The following OVCH1 variants were observed in gnomAD, a reference collection of about 807,000 sequenced individuals.
OVCH1 encodes ovochymase-1.
Under a neutral mutation model 138.4 loss-of-function variants are expected in OVCH1, and 139 were observed. The ratio of observed to expected loss-of-function variants is 1.00; its 90% CI spans 0.87 to 1.16. The LOEUF is 1.16. Among genes scored for constraint, OVCH1 ranks in the 50% most tolerant of loss-of-function variants. OVCH1 has a pLI of 0.00. For missense variants in OVCH1, 1,367 were observed against 1,357.9 expected (o/e 1.01, Z -0.11); for synonymous variants, 453 against 467.8 (o/e 0.97, Z 0.41).
At chr12:29,460,374 C>T (rs1942089530) in intron 19 of OVCH1, among the ~76,000 whole-genome samples, 1 of 152,176 alleles carries the variant, frequency 6.6e-6, no homozygotes, top group Non-Finnish European at 1.5e-5. Context: ...AGAATGAACA[C>T]ATTAATTCAG....
At chr12:29,464,423 C>A in intron 18 of OVCH1, 84 bp downstream of exon 18, 1 of 1,379,610 alleles carries the variant, frequency 7.2e-7, no homozygotes, top group Non-Finnish European at 1.0e-6. Flanking sequence ...GGGGCTGAAG[C>A]GGATGCTGCT....
rs182299952 is a variant in OVCH1 at position 29,479,014 on chromosome 12, G to T, written c.996-106C>A. The T allele has an allele frequency of 3.2e-4, 220 of 677,488 alleles. 1 individual carries two copies. The highest frequency in any genetic ancestry group is 1.9e-3 in the Middle Eastern group (6 of 3,162). The allele number at this position is 677,488 out of a possible 1,614,324, so 42.0% of individuals were successfully genotyped here. ...GAAAATGTAATAAATGGAAGAGTCA[G>T]ATTTGCTAAATAAAATCTAATACCT... On this transcript the variant is annotated intron_variant, in intron 8 of 27. Coordinates refer to ENST00000318184, the Ensembl canonical transcript of OVCH1.
intron 16 of OVCH1, among the ~76,000 whole-genome samples, chr12:29,466,121 T>A (rs1187103904): frequency 1.4e-5 from 2 of 140,094 alleles, no homozygotes; most frequent in Non-Finnish European, 3.1e-5. Flanking sequence ...GGGGGAGGGA[T>A]AGCATTAGGA....
At chr12:29,459,564 GA>G (rs1942062044) in intron 19 of OVCH1, among the ~76,000 whole-genome samples, 1 of 152,096 alleles carries the variant, frequency 6.6e-6, no homozygotes, top group African/African-American at 2.4e-5. Context: ...AATAGTATTT[GA>G]TAGCACAACA....
rs187124001 is a variant in OVCH1 at position 29,486,117 on chromosome 12, G to T, written c.995+129C>A. On this transcript the variant is annotated intron_variant, in intron 8 of 27. Coordinates refer to ENST00000318184, the Ensembl canonical transcript of OVCH1. ...TGTTGGAGCCTATGTATGAATATGA[G>T]CAGGGCTTTTAAAGTTTACATTCAA... 226 of 853,192 alleles carry T rather than the reference G, an allele frequency of 2.6e-4. No homozygotes were observed. In the East Asian group the frequency reaches 5.8e-3, roughly 22 times the overall value. The allele number at this position is 853,192 out of a possible 1,614,324, so 52.9% of individuals were successfully genotyped here. A position where few individuals can be genotyped will look rare whatever the true frequency, so the allele number is the denominator to read the frequency against.
chr12:29,423,237 C>T (rs1306712220), downstream of OVCH1: 2 of 455,892 alleles, frequency 4.4e-6, no homozygotes, highest in East Asian at 7.0e-5. Flanking sequence ...TCTTAAAATG[C>T]ACAGTCAGGT....
downstream of OVCH1, among the ~76,000 whole-genome samples, chr12:29,408,282 A>G (rs1729511668): frequency 1.6e-5 from 2 of 126,432 alleles, 1 homozygote; most frequent in Non-Finnish European, 3.7e-5. Flanking sequence ...CTCTTTTCCT[A>G]ATTGAATACC....
At chr12:29,408,476 C>T (rs1207493698), downstream of OVCH1, among the ~76,000 whole-genome samples, 1 of 111,980 alleles carries the variant, frequency 8.9e-6, no homozygotes, top group African/African-American at 2.7e-5. Context: ...TTTTGAGATA[C>T]ATCCCATCAA....
chr12:29,459,605 C>T (rs1942063480), intron 19 of OVCH1, among the ~76,000 whole-genome samples: 1 of 152,022 alleles, frequency 6.6e-6, no homozygotes, highest in African/African-American at 2.4e-5. Flanking sequence ...TAATTTAATT[C>T]TGCATTTAAA....
chr12:29,458,482 G>T (rs575302109), intron 19 of OVCH1, among the ~76,000 whole-genome samples: 1 of 152,166 alleles, frequency 6.6e-6, no homozygotes, highest in South Asian at 2.1e-4. Flanking sequence ...CTCACCATTT[G>T]CAAAAGTCAA....
Position 29,464,117 on chromosome 12 carries a change from A to G in OVCH1, c.2125+390T>C, listed in dbSNP as rs772323684. ...GATATTTCATGACACGTGCACATTA[A>G]ATGAAATTTAAATTTTATAAATTAA... On this transcript the variant is annotated intron_variant, in intron 18 of 27. Coordinates refer to ENST00000318184, the Ensembl canonical transcript of OVCH1. 4.1e-4 allele frequency among the ~76,000 whole-genome samples: 62 copies of G among 152,176 alleles called. 1 individual carries two copies. The highest frequency in any genetic ancestry group is 1.6e-4 in the Non-Finnish European group (11 of 68,038).
chr12:29,480,436 G>A (rs1436640473), intron 8 of OVCH1, among the ~76,000 whole-genome samples: 6 of 152,038 alleles, frequency 3.9e-5, no homozygotes, highest in East Asian at 1.9e-4. Flanking sequence ...AATTATTTTC[G>A]TCCTCAAAAT....
At chr12:29,469,234 G>T (rs953055123) in intron 16 of OVCH1, among the ~76,000 whole-genome samples, 2 of 152,136 alleles carry the variant, frequency 1.3e-5, no homozygotes, top group Non-Finnish European at 2.9e-5. Flanking sequence ...GATAAGTCAT[G>T]TTGACTGTAT....
intron 8 of OVCH1, among the ~76,000 whole-genome samples, chr12:29,485,389 C>G (rs2136065819): frequency 6.6e-6 from 1 of 151,420 alleles, no homozygotes; most frequent in East Asian, 1.9e-4. Flanking sequence ...AATCCCAGCA[C>G]CAGCACTTTG....
chr12:29,491,053 A>G, intron 5 of OVCH1, 44 bp downstream of exon 5: 1 of 1,500,502 alleles, frequency 6.7e-7, no homozygotes, highest in Non-Finnish European at 9.3e-7. Context: ...CCCTGGACAT[A>G]CAGAGAGCTG....
At chr12:29,488,664 G>A (rs1943188229) in intron 6 of OVCH1, among the ~76,000 whole-genome samples, 1 of 146,918 alleles carries the variant, frequency 6.8e-6, no homozygotes, top group Admixed American at 6.8e-5. Flanking sequence ...GACCACATTG[G>A]CTCTTATGCT....
chr12:29,467,284 A>G (rs1942354322), intron 16 of OVCH1, among the ~76,000 whole-genome samples: 1 of 152,212 alleles, frequency 6.6e-6, no homozygotes, highest in African/African-American at 2.4e-5. Context: ...AATAAGAATG[A>G]TGGTAGAATT....
chr12:29,478,494 G>C (rs1942817973), intron 9 of OVCH1, among the ~76,000 whole-genome samples: 1 of 152,144 alleles, frequency 6.6e-6, no homozygotes, highest in Non-Finnish European at 1.5e-5. Context: ...TAGTGAACTT[G>C]AGAAAGGAAT....
At position 29,433,388 on chromosome 12, in the gene OVCH1, C is replaced by A. The variant is rs566615008; in HGVS notation, c.3327+363G>T. Among the ~76,000 whole-genome samples the A allele has an allele frequency of 1.8e-4, 28 of 152,272 alleles. No homozygotes were observed. The South Asian group carries it at 4.8e-3, about 26-fold the overall frequency. ...CTTGCCTGCTGCCACATAAGACGTGCCTTTACTCCTCTTTCACCTTCCGCC... is the reference window on the plus strand; with the variant it reads ...CTTGCCTGCTGCCACATAAGACGTGACTTTACTCCTCTTTCACCTTCCGCC... On this transcript the variant is annotated intron_variant, in intron 27 of 27. Coordinates refer to ENST00000318184, the Ensembl canonical transcript of OVCH1.
Sources: gnomAD v4.1 joint callset for allele counts (sites outside exome capture counted in the v4.1 genomes callset) on GRCh38, gnomAD v4.1.1 for gene constraint, MANE v1.5 for transcripts, NCBI Gene and HGNC (gene_info 2026-07-23, HGNC 2026-07-21) for gene names.